PTPRA: variants seen among roughly 807,000 people sequenced by gnomAD.
The protein encoded by PTPRA is receptor-type tyrosine-protein phosphatase alpha.
Under a neutral mutation model 104.8 loss-of-function variants are expected in PTPRA, and 25 were observed. The ratio of observed to expected loss-of-function variants is 0.24; its 90% CI spans 0.17 to 0.33. PTPRA has a LOEUF of 0.33. PTPRA is among the 10% of genes least tolerant of loss of function. PTPRA has a pLI of 1.00. For synonymous variants in PTPRA, 323 were observed against 368.9 expected (o/e 0.88, Z 1.43); for missense variants, 765 against 1,015.3 (o/e 0.75, Z 3.35).
chr20:3,019,817 A>G (rs897648274), intron 13 of PTPRA, among the ~76,000 whole-genome samples: 2 of 152,306 alleles, frequency 1.3e-5, no homozygotes, highest in East Asian at 1.9e-4. Context: ...TCCGTCTGCA[A>G]TCCCGGCACC....
chr20:3,004,158 C>G (rs1334437988), intron 9 of PTPRA, among the ~76,000 whole-genome samples: 1 of 152,218 alleles, frequency 6.6e-6, no homozygotes, highest in African/African-American at 2.4e-5. Flanking sequence ...GCTGGGGTTA[C>G]AGGTGTGCAC....
At position 2,941,011 on chromosome 20, in the gene PTPRA, G is replaced by GT. The variant is rs1568662258; in HGVS notation, c.-49-6971_-49-6970insT. On this transcript the variant is annotated intron_variant, in intron 2 of 23. Transcript: ENST00000399903. The stretch of plus-strand genomic sequence containing the variant: ...CTCACAAAACGTGTTCTTTTCTTCT[G>GT]GTTTTTTTTTGGGGGTTTTTTTTGT... Among the ~76,000 whole-genome samples the GT allele has an allele frequency of 1.3e-3, 188 of 140,798 alleles. 2 individuals carry two copies. The highest frequency in any genetic ancestry group is 2.7e-3 in the African/African-American group (105 of 38,438). 92.4% of individuals were successfully genotyped at this position (140,798 alleles called of 152,430 possible).
chr20:2,968,740 C>G (rs2062038291), intron 5 of PTPRA, among the ~76,000 whole-genome samples: 1 of 152,126 alleles, frequency 6.6e-6, no homozygotes, highest in East Asian at 1.9e-4. Flanking sequence ...GCAGCAAAAC[C>G]TCATCTCTAC....
At chr20:2,904,559 C>T (rs672406) in intron 1 of PTPRA, among the ~76,000 whole-genome samples, 90,645 of 150,488 alleles carry the variant, frequency 0.6, 28,249 homozygotes, top group East Asian at 0.77. Context: ...GTCCCAGCTA[C>T]TCGGGAGGCT....
At chr20:3,003,002 G>T (rs531657324) in intron 9 of PTPRA, among the ~76,000 whole-genome samples, 1 of 152,208 alleles carries the variant, frequency 6.6e-6, no homozygotes, top group South Asian at 2.1e-4. Context: ...TGTTCTCTGT[G>T]TCTGGAATAC....
chr20:3,002,227 T>A (rs958754594), intron 9 of PTPRA, among the ~76,000 whole-genome samples: 3 of 152,172 alleles, frequency 2.0e-5, no homozygotes, highest in Admixed American at 6.5e-5. Context: ...AGTCTTTTTT[T>A]AAATTATTAT....
chr20:2,949,645 T>C (rs936662594), intron 3 of PTPRA, among the ~76,000 whole-genome samples: 7 of 151,964 alleles, frequency 4.6e-5, no homozygotes, highest in African/African-American at 1.7e-4. Flanking sequence ...TGAATAGAAG[T>C]GATAGTAGAT....
chr20:2,932,648 C>T (rs1250453480), intron 2 of PTPRA, among the ~76,000 whole-genome samples: 2 of 152,178 alleles, frequency 1.3e-5, no homozygotes, highest in African/African-American at 2.4e-5. Context: ...CAGCCATCTG[C>T]TCAGAGGGAG....
intron 11 of PTPRA, among the ~76,000 whole-genome samples, chr20:3,012,881 G>C (rs910723753): frequency 6.6e-6 from 1 of 152,210 alleles, no homozygotes; most frequent in East Asian, 1.9e-4. Flanking sequence ...AGTTTACCAA[G>C]TTATGCAGCC....
Position 3,038,144 on chromosome 20 carries a change from G to C in PTPRA, c.*11G>C, listed in dbSNP as rs2065895561. 6.3e-7 allele frequency: 1 copy of C among 1,598,562 alleles called. No individual in the cohort carries two copies. The highest frequency in any genetic ancestry group is 8.6e-7 in the Non-Finnish European group (1 of 1,165,978). On this transcript the variant is annotated 3_prime_UTR_variant, in exon 24 of 24. Coordinates refer to ENST00000399903, the MANE Select transcript of PTPRA (RefSeq NM_001385305.1). ...GCCAACTTCAAGTAAGCGGCAACAA[G>C]GGTCCGTGGACCAGGAGGATTGCCT...
At chr20:3,007,601 A>G (rs144082946) in intron 11 of PTPRA, among the ~76,000 whole-genome samples, 181 bp downstream of exon 11, 127 of 152,264 alleles carry the variant, frequency 8.3e-4, no homozygotes, top group South Asian at 2.1e-3. Context: ...ATCATTTTCT[A>G]TATTTACCCT....
chr20:2,917,596 G>C (rs763846565), intron 1 of PTPRA, among the ~76,000 whole-genome samples: 1 of 152,074 alleles, frequency 6.6e-6, no homozygotes, highest in African/African-American at 2.4e-5. Flanking sequence ...CTTTTCAAAG[G>C]ATGTTTGCAT....
chr20:3,010,173 CTG>C (rs2064091013), intron 11 of PTPRA, among the ~76,000 whole-genome samples: 1 of 151,438 alleles, frequency 6.6e-6, no homozygotes, highest in Non-Finnish European at 1.5e-5. Flanking sequence ...GTCTCATATA[CTG>C]TGAAAGCAAA....
chr20:2,866,086 T>C, the PTPRA span: 9 of 797,426 alleles, frequency 1.1e-5, no homozygotes, highest in South Asian at 6.7e-5. Context: ...GGGGATTATA[T>C]GTACTGACGG....
chr20:2,917,019 G>A (rs1465888464), intron 1 of PTPRA, among the ~76,000 whole-genome samples: 6 of 147,490 alleles, frequency 4.1e-5, no homozygotes, highest in African/African-American at 1.3e-4. Context: ...GTGCAGTGGC[G>A]TGGTCTTGGC....
intron 13 of PTPRA, among the ~76,000 whole-genome samples, chr20:3,018,892 C>T (rs1600262337): frequency 8.4e-6 from 1 of 118,858 alleles, no homozygotes; most frequent in Non-Finnish European, 1.7e-5. Flanking sequence ...GGTGGCTGGC[C>T]GGGCAGAGGG....
At position 2,950,813 on chromosome 20, in the gene PTPRA, T is replaced by G. The variant is rs1568666183; in HGVS notation, c.-7+2789T>G. 2.6e-5 allele frequency among the ~76,000 whole-genome samples: 4 copies of G among 152,188 alleles called. No individual in the cohort carries two copies. Among genetic ancestry groups the G allele is most frequent in the Non-Finnish European group, 5.9e-5 (4 of 68,020 alleles). On this transcript the variant is annotated intron_variant, in intron 3 of 23. Transcript: ENST00000399903. The surrounding 1 kb of genome is among the most constrained non-coding windows in gnomAD (Gnocchi z 4.0). The stretch of plus-strand genomic sequence containing the variant: ...TTCTTAAACAACTTTATAATTGATG[T>G]AACAATAACCTGTACACATTTAAAG...
Position 2,950,908 on chromosome 20 carries a change from A to G in PTPRA, c.-7+2884A>G, listed in dbSNP as rs2061331961. 6.6e-6 allele frequency among the ~76,000 whole-genome samples: 1 copy of G among 152,102 alleles called. No homozygotes were observed. The highest frequency in any genetic ancestry group is 1.5e-5 in the Non-Finnish European group (1 of 68,008). On this transcript the variant is annotated intron_variant, in intron 3 of 23. Transcript: ENST00000399903. This position sits in a 1 kb window ranked among gnomAD's most constrained non-coding sequence, Gnocchi z 4.0. ...ATCACCACAACAAGAGTGTGAACAT[A>G]TAATCTCTCCCCAAAGTTTTCTTGT...
At chr20:2,957,388 AGTTAT>A (rs1600171548) in intron 3 of PTPRA, among the ~76,000 whole-genome samples, 1 of 152,088 alleles carries the variant, frequency 6.6e-6, no homozygotes, top group Admixed American at 6.5e-5. Context: ...GTTTTTTGTG[AGTTAT>A]GTTTCATATC....
Sources: allele counts gnomAD v4.1 joint callset (sites outside exome capture counted in the v4.1 genomes callset), GRCh38; gene constraint gnomAD v4.1.1; non-coding constraint Gnocchi (gnomAD v3.1); transcripts MANE v1.5; gene names NCBI Gene and HGNC (gene_info 2026-07-23, HGNC 2026-07-21).